Variants in PLAG1 observed in about 807,000 individuals in gnomAD.
PLAG1 encodes the protein zinc finger protein PLAG1.
PLAG1 carries 7 observed loss-of-function variants against 35.5 expected under a neutral mutation model. The ratio of observed to expected loss-of-function variants is 0.20; its 90% CI spans 0.11 to 0.37. The LOEUF (loss-of-function observed/expected upper bound fraction) is 0.37. PLAG1 is among the 10% of genes least tolerant of loss of function. The pLI is 1.00. For missense variants in PLAG1, 454 were observed against 602.8 expected, an observed-to-expected ratio of 0.75 and a Z score of 2.58; for synonymous variants, 229 against 225.4, an observed-to-expected ratio of 1.02 and a Z score of -0.14.
At chr8:56,205,272 C>T (rs1224976959) in intron 1 of PLAG1, among the ~76,000 whole-genome samples, 3 of 151,786 alleles carry the variant, frequency 2.0e-5, no homozygotes, top group African/African-American at 7.2e-5. Flanking sequence ...TCTCAGGACA[C>T]TTCACGAAGA....
chr8:56,206,202 G>A (rs1206626900), intron 1 of PLAG1, among the ~76,000 whole-genome samples: 2 of 151,894 alleles, frequency 1.3e-5, no homozygotes, highest in African/African-American at 2.4e-5. Flanking sequence ...GTAAAGAGGA[G>A]GCAGGGATAG....
At chr8:56,205,737 A>G (rs1812681052) in intron 1 of PLAG1, among the ~76,000 whole-genome samples, 1 of 151,972 alleles carries the variant, frequency 6.6e-6, no homozygotes, top group Admixed American at 6.6e-5. Context: ...TTGCTTCCTA[A>G]CACCTTCACA....
intron 1 of PLAG1, among the ~76,000 whole-genome samples, chr8:56,186,462 C>A (rs1350316904): frequency 6.6e-6 from 1 of 152,104 alleles, no homozygotes; most frequent in East Asian, 1.9e-4. Context: ...ACCTCCGCCT[C>A]CTGGGCTCAA....
rs903414477 is a variant in PLAG1 at position 56,173,081 on chromosome 8, T to C, written c.-216-1892A>G. On this transcript the variant is annotated intron_variant, in intron 2 of 4. Coordinates refer to ENST00000316981, the MANE Select transcript of PLAG1 (RefSeq NM_002655.3). The stretch of plus-strand genomic sequence containing the variant: ...TCCAATCCATATAAATTTTATTGCA[T>C]TCTCAAATACATTCATAAAATCTTT... Among the ~76,000 whole-genome samples the C allele has an allele frequency of 5.3e-5, 8 of 152,224 alleles. No homozygotes were observed. The East Asian group carries it at 1.3e-3, about 26-fold the overall frequency.
intron 1 of PLAG1, among the ~76,000 whole-genome samples, chr8:56,180,388 T>C (rs1410689740): frequency 1.3e-5 from 2 of 152,224 alleles, no homozygotes; most frequent in East Asian, 1.9e-4. Flanking sequence ...TAGACTGACA[T>C]GATCCCTGTT....
At chr8:56,189,258 A>G (rs1812111769) in intron 1 of PLAG1, among the ~76,000 whole-genome samples, 1 of 152,216 alleles carries the variant, frequency 6.6e-6, no homozygotes, top group Non-Finnish European at 1.5e-5. Context: ...CAATGCTTTA[A>G]ATTTGAAAAT....
intron 1 of PLAG1, among the ~76,000 whole-genome samples, chr8:56,196,207 C>G (rs1366124343): frequency 6.6e-6 from 1 of 152,040 alleles, no homozygotes; most frequent in East Asian, 1.9e-4. Flanking sequence ...AATAAACAAG[C>G]CCGAGGGAAT....
Position 56,162,335 on chromosome 8 carries a change from A to G in PLAG1, c.*3908T>C, listed in dbSNP as rs1811225842. ...ATTTTTTAACTTACGTACTGGGAAG[A>G]CAGTGTGCTTTGAGACACGTAAACC... is the stretch of plus-strand genomic sequence containing the variant. On this transcript the variant is annotated 3_prime_UTR_variant, in exon 5 of 5. Coordinates refer to ENST00000316981, the MANE Select transcript of PLAG1 (RefSeq NM_002655.3). 4.4e-6 allele frequency: 1 copy of G among 227,482 alleles called. No individual in the cohort carries two copies. 14.1% of individuals were successfully genotyped at this position (227,482 alleles called of 1,614,324 possible). A position where few individuals can be genotyped will look rare whatever the true frequency, so the allele number is the denominator to read the frequency against.
chr8:56,200,436 C>T (rs954568723), intron 1 of PLAG1, among the ~76,000 whole-genome samples: 3 of 152,232 alleles, frequency 2.0e-5, no homozygotes, highest in African/African-American at 7.2e-5. Flanking sequence ...GCCCCGCTTC[C>T]AATGTGGAAC....
chr8:56,179,261 A>C (rs1811797738), intron 2 of PLAG1, 148 bp downstream of exon 2: 1 of 152,560 alleles, frequency 6.6e-6, no homozygotes, highest in Admixed American at 6.5e-5. Flanking sequence ...CCATCACAGT[A>C]CATACTGATA....
chr8:56,206,259 G>A (rs1201876052), intron 1 of PLAG1, among the ~76,000 whole-genome samples: 4 of 151,912 alleles, frequency 2.6e-5, no homozygotes, highest in Middle Eastern at 3.4e-3. Context: ...CAGACTAATC[G>A]ATTTAAAAGT....
chr8:56,178,498 T>C (rs1386946272), intron 2 of PLAG1, among the ~76,000 whole-genome samples: 2 of 152,216 alleles, frequency 1.3e-5, no homozygotes, highest in Non-Finnish European at 2.9e-5. Flanking sequence ...AAAATTTTAA[T>C]GCTAACGGTG....
At chr8:56,209,709 A>C (rs774205428) in intron 1 of PLAG1, among the ~76,000 whole-genome samples, 1 of 152,136 alleles carries the variant, frequency 6.6e-6, no homozygotes, top group Non-Finnish European at 1.5e-5. Flanking sequence ...GGGGAAACCA[A>C]GCAACTCCAC....
At chr8:56,202,151 T>C (rs1160377390) in intron 1 of PLAG1, among the ~76,000 whole-genome samples, 1 of 152,194 alleles carries the variant, frequency 6.6e-6, no homozygotes, top group Non-Finnish European at 1.5e-5. Context: ...ATAAAGTTAC[T>C]TATCTTTAAA....
At chr8:56,200,072 C>A (rs143112393) in intron 1 of PLAG1, among the ~76,000 whole-genome samples, 2 of 152,140 alleles carry the variant, frequency 1.3e-5, no homozygotes, top group East Asian at 3.9e-4. Flanking sequence ...ATTCTGCTCA[C>A]CCCTGACACC....
chr8:56,177,872 C>T (rs1461263470), intron 2 of PLAG1: 1 of 158,134 alleles, frequency 6.3e-6, no homozygotes, highest in Non-Finnish European at 1.4e-5. Context: ...AGCACCACCG[C>T]CACCTGGGAG....
At chr8:56,208,162 C>A (rs540483136) in intron 1 of PLAG1, among the ~76,000 whole-genome samples, 112 of 151,968 alleles carry the variant, frequency 7.4e-4, no homozygotes, top group Non-Finnish European at 1.4e-3. Context: ...ATTTTAAATG[C>A]ACAGCATAAT....
Position 56,166,843 on chromosome 8 carries a change from C to T in PLAG1, c.903G>A (p.Ser301=), listed in dbSNP as rs573629757. ...YNTPFQSMQS[S]GSAHQMITTL... ...TTGTGATCATTTGGTGGGCAGATCC[C>T]GAGCTCTGCATGGACTGAAATGGAG... Residue 301 remains serine, a synonymous_variant, in exon 5 of 5, where the codon TCG becomes TCA. Transcript: ENST00000316981. The T allele has an allele frequency of 2.0e-5, 32 of 1,613,920 alleles. No homozygotes were observed. The highest frequency in any genetic ancestry group is 2.4e-5 in the Non-Finnish European group (28 of 1,179,994).
chr8:56,201,304 G>T (rs1237308149), intron 1 of PLAG1, among the ~76,000 whole-genome samples: 3 of 151,948 alleles, frequency 2.0e-5, no homozygotes, highest in Non-Finnish European at 4.4e-5. Flanking sequence ...CAAAAATTTG[G>T]GGAAAAATGT....
Sources: gnomAD v4.1 joint callset for allele counts (sites outside exome capture counted in the v4.1 genomes callset) on GRCh38, gnomAD v4.1.1 for gene constraint, MANE v1.5 for transcripts, NCBI Gene and HGNC (gene_info 2026-07-23, HGNC 2026-07-21) for gene names.